SLC26A5: variants seen among roughly 807,000 people sequenced by gnomAD.
SLC26A5 encodes prestin.
In SLC26A5, 51 loss-of-function variants were observed where a neutral mutation model predicts 81.0. The ratio of observed to expected loss-of-function variants is 0.63; its 90% CI spans 0.50 to 0.80. The LOEUF (loss-of-function observed/expected upper bound fraction) is 0.80, where lower values mean the gene tolerates loss of function less well. Ranked by LOEUF, SLC26A5 falls within the 30% of genes least tolerant of loss-of-function variation. The pLI is 0.00. For synonymous variants in SLC26A5, 325 were observed against 332.8 expected, an observed-to-expected ratio of 0.98 and a Z score of 0.25; for missense variants, 771 against 905.8, an observed-to-expected ratio of 0.85 and a Z score of 1.91.
At position 103,421,573 on chromosome 7, in the gene SLC26A5, G is replaced by A; in HGVS notation, c.-53-6C>T. 1 of 1,577,022 alleles carries A rather than the reference G, an allele frequency of 6.3e-7. No homozygotes were observed. Among genetic ancestry groups the A allele is most frequent in the Non-Finnish European group, 8.7e-7 (1 of 1,149,990 alleles). On this transcript the variant is annotated splice_polypyrimidine_tract_variant and splice_region_variant and intron_variant, in intron 2 of 19. Transcript: ENST00000306312. ...CAAGCATTTCCTGAGTGTCACTAGG[G>A]GAAAAAAGAAAAACTCCATTTTACT...
At chr7:103,443,981 C>T (rs1486063895) in intron 1 of SLC26A5, among the ~76,000 whole-genome samples, 1 of 152,148 alleles carries the variant, frequency 6.6e-6, no homozygotes, top group African/African-American at 2.4e-5. Flanking sequence ...CCTGTCCCCT[C>T]CTTCATAATC....
At chr7:103,424,033 C>T (rs1278986935) in intron 2 of SLC26A5, among the ~76,000 whole-genome samples, 1 of 152,182 alleles carries the variant, frequency 6.6e-6, no homozygotes, top group African/African-American at 2.4e-5. Flanking sequence ...CTTCCACCTA[C>T]CCTAACTCCT....
intron 11 of SLC26A5, 113 bp downstream of exon 11, chr7:103,391,509 G>T (rs1181534224): frequency 4.9e-5 from 40 of 822,320 alleles, no homozygotes; most frequent in Non-Finnish European, 8.0e-5. Flanking sequence ...CAGCTCACTG[G>T]AGCATGGATC....
At position 103,380,564 on chromosome 7, in the gene SLC26A5, T is replaced by C. The variant is rs200753697; in HGVS notation, c.1515-15A>G. The C allele has an allele frequency of 1.2e-6, 2 of 1,609,684 alleles. No individual in the cohort carries two copies. Among genetic ancestry groups the C allele is most frequent in the African/African-American group, 1.3e-5 (1 of 74,822 alleles). ...TGTAGCTTGGACTGAAGATAAAGAG[T>C]GTTAAATACCATTGTGTTGAGGCAC... On this transcript the variant is annotated splice_polypyrimidine_tract_variant and intron_variant, in intron 14 of 19. Coordinates refer to ENST00000306312, the MANE Select transcript of SLC26A5 (RefSeq NM_198999.3).
intron 19 of SLC26A5, among the ~76,000 whole-genome samples, chr7:103,364,704 G>T (rs528497958): frequency 1.7e-4 from 26 of 152,032 alleles, no homozygotes; most frequent in African/African-American, 6.3e-4. Flanking sequence ...CACCACGCCC[G>T]GCCTGAGACC....
intron 2 of SLC26A5, among the ~76,000 whole-genome samples, chr7:103,441,148 T>C (rs1428581866): frequency 1.3e-5 from 2 of 152,210 alleles, no homozygotes; most frequent in African/African-American, 2.4e-5. Flanking sequence ...GTGCAGCTCC[T>C]GGTAACCGAC....
downstream of SLC26A5, among the ~76,000 whole-genome samples, chr7:103,372,360 T>C (rs887599013): frequency 2.0e-5 from 3 of 152,216 alleles, no homozygotes; most frequent in African/African-American, 7.2e-5. Context: ...TACTTTCTCC[T>C]GGCAGTATCT....
intron 19 of SLC26A5, among the ~76,000 whole-genome samples, chr7:103,364,981 A>ATATATATATATATATATATTTATT: frequency 7.1e-6 from 1 of 140,808 alleles, no homozygotes; most frequent in African/African-American, 2.6e-5. Flanking sequence ...ATATATATAT[A>ATATATATATATATATATATTTATT]TATTTAGAGA....
chr7:103,408,135 ATC>A, intron 7 of SLC26A5, 132 bp from the exon 8 acceptor site: 1 of 1,223,856 alleles, frequency 8.2e-7, no homozygotes, highest in Non-Finnish European at 1.2e-6. Flanking sequence ...CAAGGCTGAA[ATC>A]TCTCTTTGTA....
Position 103,398,984 on chromosome 7 carries a change from T to C in SLC26A5, c.889-970A>G, listed in dbSNP as rs1339136244. On this transcript the variant is annotated intron_variant, in intron 8 of 19. Transcript: ENST00000306312. Reference sequence around the variant, plus strand: ...AGAGTATTCAAATCCACAGAATATATATGGCTCAAGCTCCTGGAGCTATAA... The same window carrying C: ...AGAGTATTCAAATCCACAGAATATACATGGCTCAAGCTCCTGGAGCTATAA... Among the ~76,000 whole-genome samples, 2 of 152,274 alleles carry C rather than the reference T, an allele frequency of 1.3e-5. 1 individual carries two copies. Among genetic ancestry groups the C allele is most frequent in the East Asian group, 3.9e-4 (2 of 5,188 alleles).
At position 103,379,297 on chromosome 7, in the gene SLC26A5, A is replaced by G; in HGVS notation, c.1623T>C (p.Asn541=). 1 of 1,610,924 alleles carries G rather than the reference A, an allele frequency of 6.2e-7. No individual in the cohort carries two copies. Among genetic ancestry groups the G allele is most frequent in the Non-Finnish European group, 8.5e-7 (1 of 1,177,306 alleles). The part of the protein sequence containing the change: ...EIPGIKIFQI[N]APIYYANSDL... ...CGCTATTTGCATAGTAAATTGGTGC[A>G]TTTATTTGAAATATTTTTATTCCAG... The change falls in exon 16 of 20, where the codon AAT becomes AAC. Residue 541 remains asparagine (N), a synonymous_variant. Transcript: ENST00000306312.
chr7:103,369,507 C>T (rs867572134), downstream of SLC26A5: 4 of 152,160 alleles, frequency 2.6e-5, no homozygotes, highest in African/African-American at 9.7e-5. Context: ...GAGTGACTAT[C>T]GTGATAATTT....
chr7:103,379,134 G>C (rs1821585119), intron 16 of SLC26A5, 109 bp downstream of exon 16: 9 of 797,962 alleles, frequency 1.1e-5, no homozygotes, highest in Non-Finnish European at 1.7e-5. Flanking sequence ...AAAAGAGAGA[G>C]AAACAAAGCG....
intron 2 of SLC26A5, among the ~76,000 whole-genome samples, chr7:103,441,672 A>T (rs780693106): frequency 8.5e-5 from 13 of 152,182 alleles, no homozygotes; most frequent in Non-Finnish European, 1.5e-4. Flanking sequence ...AGAGGCTATT[A>T]AACACTGGCA....
intron 2 of SLC26A5, among the ~76,000 whole-genome samples, chr7:103,424,336 C>G (rs1419339816): frequency 1.3e-5 from 2 of 152,246 alleles, no homozygotes; most frequent in South Asian, 4.2e-4. Context: ...AATCATTGAT[C>G]TCCTCTTCTA....
chr7:103,396,018 C>A (rs1014707526), intron 9 of SLC26A5, among the ~76,000 whole-genome samples: 1 of 152,084 alleles, frequency 6.6e-6, no homozygotes, highest in Non-Finnish European at 1.5e-5. Context: ...CTCACAACTG[C>A]CCTTGAGATA....
chr7:103,375,711 G>C (rs1162185349), intron 19 of SLC26A5, among the ~76,000 whole-genome samples: 1 of 151,892 alleles, frequency 6.6e-6, no homozygotes, highest in African/African-American at 2.4e-5. Context: ...TGGGATTATA[G>C]GTGTGAGCCA....
chr7:103,354,991 T>C (rs1182007023), intron 19 of SLC26A5: 2 of 1,259,722 alleles, frequency 1.6e-6, no homozygotes, highest in African/African-American at 1.5e-5. Flanking sequence ...TTAAATGTAA[T>C]GTGTGAATAA....
intron 19 of SLC26A5, chr7:103,362,423 C>T (rs780783771): frequency 1.5e-6 from 2 of 1,350,040 alleles, no homozygotes; most frequent in Non-Finnish European, 1.9e-6. Context: ...CTATAGAATA[C>T]ATAACAACTC....
Sources: gnomAD v4.1 joint callset for allele counts (sites outside exome capture counted in the v4.1 genomes callset) on GRCh38, gnomAD v4.1.1 for gene constraint, MANE v1.5 for transcripts, NCBI Gene and HGNC (gene_info 2026-07-23, HGNC 2026-07-21) for gene names.